FRMD3: variants seen among roughly 807,000 people sequenced by gnomAD.
The protein encoded by FRMD3 is FERM domain-containing protein 3.
A neutral mutation model predicts 70.2 loss-of-function variants in FRMD3; 33 were observed. The ratio of observed to expected loss-of-function variants is 0.47; its 90% CI spans 0.36 to 0.63. The LOEUF (loss-of-function observed/expected upper bound fraction) is 0.63, where lower values mean the gene tolerates loss of function less well. Ranked by LOEUF, FRMD3 falls within the 20% of genes least tolerant of loss-of-function variation. The pLI is 0.00. For missense variants in FRMD3, 632 were observed against 711.4 expected, an observed-to-expected ratio of 0.89 and a Z score of 1.27; for synonymous variants, 279 against 255.9, an observed-to-expected ratio of 1.09 and a Z score of -0.86.
the FRMD3 span, among the ~76,000 whole-genome samples, chr9:83,572,741 CA>C: frequency 6.6e-6 from 1 of 152,080 alleles, no homozygotes; most frequent in Non-Finnish European, 1.5e-5. Flanking sequence ...GGAGTAAGAG[CA>C]GAGTTGGATT....
chr9:83,299,012 G>C, intron 11 of FRMD3, 100 bp downstream of exon 11: 7 of 1,001,410 alleles, frequency 7.0e-6, no homozygotes, highest in Non-Finnish European at 4.7e-6. Context: ...GACTCAAACA[G>C]AGGCACAAGC....
intron 6 of FRMD3, among the ~76,000 whole-genome samples, chr9:83,322,787 G>A (rs1198200559): frequency 2.0e-5 from 3 of 152,138 alleles, no homozygotes; most frequent in African/African-American, 7.2e-5. Context: ...TCCCAGCTGG[G>A]CAAGCTGCCT....
Position 83,313,739 on chromosome 9 carries a change from C to G in FRMD3, c.605G>C (p.Ser202Thr), listed in dbSNP as rs190686750. The change falls in exon 7 of 14, where the codon AGC becomes ACC. Residue 202 changes from serine (S) to threonine (T), a missense_variant. This residue lies in a region of FRMD3 where 208 missense variants were observed against 247.7 expected (regional missense o/e 0.84). Coordinates refer to ENST00000304195, the MANE Select transcript of FRMD3 (RefSeq NM_174938.6). ...CAAGTTAAATTCAGCAACTGGTGGG[C>G]TCTGCCCCCTAAAATCACACAAGAA... ...EIHKNELRGQ[S>T]PPVAEFNLLL... is the part of the protein sequence containing the mutation. The G allele has an allele frequency of 6.2e-7, 1 of 1,613,856 alleles. No individual in the cohort carries two copies. Among genetic ancestry groups the G allele is most frequent in the Non-Finnish European group, 8.5e-7 (1 of 1,179,746 alleles).
At chr9:83,447,149 G>A (rs1271702886) in intron 1 of FRMD3, among the ~76,000 whole-genome samples, 1 of 152,030 alleles carries the variant, frequency 6.6e-6, no homozygotes, top group African/African-American at 2.4e-5. Context: ...TCAGCCTCCC[G>A]AGTAGCTGGG....
downstream of FRMD3, among the ~76,000 whole-genome samples, chr9:83,243,959 T>G (rs1831964538): frequency 1.3e-5 from 2 of 151,896 alleles, no homozygotes; most frequent in Non-Finnish European, 2.9e-5. Context: ...GAACCCAACC[T>G]CTACTGAAAA....
chr9:83,311,032 T>C (rs188977752), intron 8 of FRMD3, among the ~76,000 whole-genome samples: 201 of 152,312 alleles, frequency 1.3e-3, no homozygotes, highest in African/African-American at 4.4e-3. Context: ...TTCTTATATA[T>C]TGGAGTTCCC....
chr9:83,405,871 G>C (rs974627412), intron 1 of FRMD3, among the ~76,000 whole-genome samples: 2 of 152,146 alleles, frequency 1.3e-5, no homozygotes, highest in African/African-American at 4.8e-5. Flanking sequence ...TGTTGGAGTA[G>C]GGCTGAGCTG....
At chr9:83,517,756 G>A (rs1437569271) in intron 1 of FRMD3, among the ~76,000 whole-genome samples, 1 of 152,078 alleles carries the variant, frequency 6.6e-6, no homozygotes, top group Non-Finnish European at 1.5e-5. Flanking sequence ...CTGGCAAACC[G>A]AATCCAGCAG....
intron 13 of FRMD3, among the ~76,000 whole-genome samples, chr9:83,275,073 T>C (rs534067853): frequency 6.6e-6 from 1 of 152,042 alleles, no homozygotes; most frequent in African/African-American, 2.4e-5. Context: ...ATGAGTGGAG[T>C]TGTAAACATA....
intron 1 of FRMD3, among the ~76,000 whole-genome samples, chr9:83,470,774 A>G (rs1386878873): frequency 1.3e-5 from 2 of 152,256 alleles, no homozygotes; most frequent in African/African-American, 4.8e-5. Context: ...CACATTGCAG[A>G]TGAATAATAA....
chr9:83,548,029 C>T, the FRMD3 span, among the ~76,000 whole-genome samples: 3 of 152,166 alleles, frequency 2.0e-5, no homozygotes, highest in African/African-American at 7.2e-5. Flanking sequence ...TACTGTGATA[C>T]ACCAGTTAGA....
At chr9:83,585,278 C>T in the FRMD3 span, among the ~76,000 whole-genome samples, 2 of 152,156 alleles carry the variant, frequency 1.3e-5, no homozygotes, top group Non-Finnish European at 2.9e-5. Context: ...TGCAGCAAAG[C>T]GAGCAGCCAG....
chr9:83,390,006 C>T (rs1386641866), intron 1 of FRMD3, among the ~76,000 whole-genome samples: 2 of 152,158 alleles, frequency 1.3e-5, no homozygotes, highest in African/African-American at 4.8e-5. Context: ...ATTTATGACT[C>T]AGAGTACTAA....
intron 6 of FRMD3, among the ~76,000 whole-genome samples, chr9:83,334,849 G>A (rs1823523899): frequency 6.6e-6 from 1 of 152,160 alleles, no homozygotes. Flanking sequence ...GTGACCTTGG[G>A]TAGGTTGTTT....
At chr9:83,378,518 CATATAAAATTTAT>C (rs1825228823) in intron 2 of FRMD3, among the ~76,000 whole-genome samples, 2 of 73,728 alleles carry the variant, frequency 2.7e-5, no homozygotes, top group East Asian at 3.7e-4. Context: ...ATATAATATA[CATATAAAATTTAT>C]ATATATAATA....
chr9:83,334,033 A>ATT (rs1225418888), intron 6 of FRMD3, among the ~76,000 whole-genome samples: 4 of 152,132 alleles, frequency 2.6e-5, no homozygotes, highest in Non-Finnish European at 5.9e-5. Context: ...GGCCCTGCAA[A>ATT]TTCAGGGCAT....
intron 1 of FRMD3, among the ~76,000 whole-genome samples, chr9:83,516,032 C>T (rs571688866): frequency 4.3e-4 from 66 of 152,226 alleles, no homozygotes; most frequent in Admixed American, 5.9e-4. Flanking sequence ...AATGTAAAGA[C>T]CATTGATACT....
chr9:83,582,919 T>G, the FRMD3 span, among the ~76,000 whole-genome samples: 1 of 152,204 alleles, frequency 6.6e-6, no homozygotes, highest in Non-Finnish European at 1.5e-5. Flanking sequence ...GTAAGAGACG[T>G]TGCAATTTGG....
At chr9:83,539,352 G>A (rs1829970109), upstream of FRMD3, among the ~76,000 whole-genome samples, 1 of 152,194 alleles carries the variant, frequency 6.6e-6, no homozygotes, top group Non-Finnish European at 1.5e-5. Flanking sequence ...GCCCGAGAGT[G>A]GCCAGGAGCA....
Sources: gnomAD v4.1 joint callset for allele counts (sites outside exome capture counted in the v4.1 genomes callset) on GRCh38, gnomAD v4.1.1 for gene constraint, gnomAD v4.1.1 regional missense constraint, MANE v1.5 for transcripts, NCBI Gene and HGNC (gene_info 2026-07-23, HGNC 2026-07-21) for gene names.